Variants in SH2D4A observed in about 807,000 individuals in gnomAD.
SH2D4A encodes SH2 domain-containing protein 4A.
Under a neutral mutation model 64.7 loss-of-function variants are expected in SH2D4A, and 70 were observed. That is an observed-to-expected ratio of 1.08 (90% CI 0.89 to 1.32). The LOEUF is 1.32. Among genes scored for constraint, SH2D4A ranks in the 40% most tolerant of loss-of-function variants. The pLI is 0.00. For missense variants in SH2D4A, 706 were observed against 540.1 expected, an observed-to-expected ratio of 1.31 and a Z score of -3.04; for synonymous variants, 268 against 200.7, an observed-to-expected ratio of 1.34 and a Z score of -2.83.
chr8:19,364,108 C>A lies in SH2D4A; in HGVS notation c.743C>A (p.Ser248Tyr), dbSNP rs1181075187. The A allele has an allele frequency of 6.2e-7, 1 of 1,613,990 alleles. No homozygotes were observed. The highest frequency in any genetic ancestry group is 1.7e-5 in the Admixed American group (1 of 60,006). Residue 248 changes from serine to tyrosine, a missense_variant, in exon 7 of 10, where the codon TCC (serine) becomes TAC (tyrosine). Physicochemically the swap from Ser to Tyr is moderately radical, Grantham distance 144. Coordinates refer to ENST00000265807, the MANE Select transcript of SH2D4A (RefSeq NM_022071.4). ...AAAGCAGCTGATGAGAAGAGACGCTCCTTGGCTAAACAAGCACGAGAAGAC... is the reference window on the plus strand; with the variant it reads ...AAAGCAGCTGATGAGAAGAGACGCTACTTGGCTAAACAAGCACGAGAAGAC... ...KSKAADEKRRSLAKQAREDYK... is the reference protein window; with the variant it reads ...KSKAADEKRRYLAKQAREDYK...
intron 7 of SH2D4A, among the ~76,000 whole-genome samples, chr8:19,371,962 C>T (rs1210247996): frequency 6.6e-6 from 1 of 152,090 alleles, no homozygotes; most frequent in African/African-American, 2.4e-5. Flanking sequence ...GTTTGTTGAG[C>T]TTTCTTAAAA....
At chr8:19,369,729 G>A (rs1373244045) in intron 7 of SH2D4A, among the ~76,000 whole-genome samples, 1 of 151,326 alleles carries the variant, frequency 6.6e-6, no homozygotes, top group Non-Finnish European at 1.5e-5. Flanking sequence ...CTTTTTCTTT[G>A]TGTAGCTAAA....
intron 8 of SH2D4A, among the ~76,000 whole-genome samples, chr8:19,374,334 A>T (rs1448148383): frequency 6.6e-6 from 1 of 152,120 alleles, no homozygotes; most frequent in Non-Finnish European, 1.5e-5. Context: ...CTTGGATCTC[A>T]AGAAAAGTGA....
chr8:19,361,976 C>G (rs946680377), intron 6 of SH2D4A, among the ~76,000 whole-genome samples: 17 of 152,024 alleles, frequency 1.1e-4, no homozygotes, highest in African/African-American at 4.1e-4. Context: ...AAGAATAAGC[C>G]CATGCAACTG....
At chr8:19,330,552 CCCCAACTGCTCACATGCAGTCCTAGGA>C (rs1585150796) in intron 2 of SH2D4A, among the ~76,000 whole-genome samples, 1 of 152,170 alleles carries the variant, frequency 6.6e-6, no homozygotes, top group East Asian at 1.9e-4. Flanking sequence ...AGCTTTGAAG[CCCCAACTGCTCACATGCAGTCCTAGGA>C]TTTCTCTCCC....
At position 19,357,280 on chromosome 8, in the gene SH2D4A, C is replaced by G. The variant is rs1242438397; in HGVS notation, c.591C>G (p.His197Gln). Reference sequence around the variant, plus strand: ...ATCGTATGAAGGCATATGCATTTCACCAGGTAAAAGACTTCCCTTCTGTCC... The same window carrying G: ...ATCGTATGAAGGCATATGCATTTCAGCAGGTAAAAGACTTCCCTTCTGTCC... ...SINRMKAYAF[H>Q]QKKESMKKKQ... The change falls in exon 5 of 10, where the codon CAC becomes CAG. Residue 197 changes from histidine (H) to glutamine (Q), a missense_variant. By Grantham distance (24) the His-to-Gln change is conservative (BLOSUM62 0). Transcript: ENST00000265807. 1.2e-6 allele frequency: 2 copies of G among 1,611,710 alleles called. No individual in the cohort carries two copies. Among genetic ancestry groups the G allele is most frequent in the Non-Finnish European group, 1.7e-6 (2 of 1,177,964 alleles).
At chr8:19,364,670 C>G (rs2052959604) in intron 7 of SH2D4A, among the ~76,000 whole-genome samples, 1 of 152,014 alleles carries the variant, frequency 6.6e-6, no homozygotes, top group South Asian at 2.1e-4. Context: ...CAAGATCACC[C>G]TTAGTCAAAG....
chr8:19,323,907 C>T (rs538673239), intron 2 of SH2D4A, among the ~76,000 whole-genome samples: 5 of 152,240 alleles, frequency 3.3e-5, no homozygotes, highest in South Asian at 2.1e-4. Flanking sequence ...AGCTCAGGGA[C>T]GTTCATTAAC....
intron 2 of SH2D4A, among the ~76,000 whole-genome samples, chr8:19,329,549 C>T (rs1460949441): frequency 1.3e-5 from 2 of 152,152 alleles, no homozygotes; most frequent in African/African-American, 4.8e-5. Flanking sequence ...CCATCTTGTC[C>T]TAAGTGTTTA....
intron 1 of SH2D4A, chr8:19,314,038 GT>G: frequency 8.3e-7 from 1 of 1,201,766 alleles, no homozygotes. Context: ...CGGGTGTCCG[GT>G]GTCCGGTGTC....
intron 2 of SH2D4A, among the ~76,000 whole-genome samples, chr8:19,329,114 T>A (rs1438607415): frequency 2.0e-5 from 3 of 152,158 alleles, no homozygotes; most frequent in African/African-American, 7.2e-5. Flanking sequence ...GATTCCCTTC[T>A]CTGTTCTTTG....
intron 2 of SH2D4A, among the ~76,000 whole-genome samples, chr8:19,320,787 A>T (rs891561263): frequency 6.6e-6 from 1 of 152,206 alleles, no homozygotes; most frequent in Non-Finnish European, 1.5e-5. Flanking sequence ...TTGTGAAAAC[A>T]CAGCACACTT....
chr8:19,316,099 G>A (rs1404637453), intron 1 of SH2D4A, among the ~76,000 whole-genome samples: 1 of 152,094 alleles, frequency 6.6e-6, no homozygotes, highest in South Asian at 2.1e-4. Flanking sequence ...GGGGTTAGGG[G>A]TTGGGAATTA....
At chr8:19,354,519 A>T (rs1265889921) in intron 4 of SH2D4A, among the ~76,000 whole-genome samples, 1 of 152,202 alleles carries the variant, frequency 6.6e-6, no homozygotes, top group Non-Finnish European at 1.5e-5. Context: ...ATATTATTTT[A>T]ACATAATTCA....
intron 7 of SH2D4A, among the ~76,000 whole-genome samples, chr8:19,366,152 T>A (rs549303617): frequency 1.3e-5 from 2 of 152,338 alleles, no homozygotes; most frequent in African/African-American, 4.8e-5. Context: ...TTGTGTTTCA[T>A]AAATTGTATT....
At chr8:19,372,419 C>T (rs2153649883) in intron 7 of SH2D4A, among the ~76,000 whole-genome samples, 1 of 152,274 alleles carries the variant, frequency 6.6e-6, no homozygotes, top group South Asian at 2.1e-4. Flanking sequence ...TTTAATGACC[C>T]AGACAAGTGT....
intron 8 of SH2D4A, among the ~76,000 whole-genome samples, chr8:19,388,553 C>T (rs773210329): frequency 9.9e-5 from 15 of 152,120 alleles, no homozygotes; most frequent in East Asian, 3.9e-4. Context: ...TGTAGGGTTG[C>T]GGTGAGGATA....
intron 6 of SH2D4A, chr8:19,363,815 C>T (rs528085300): frequency 2.0e-5 from 10 of 509,262 alleles, no homozygotes; most frequent in African/African-American, 3.8e-5. Context: ...ACTTCTCTCT[C>T]ATCCCTTCTT....
chr8:19,317,303 A>ATTTTTTT (rs761621347), intron 1 of SH2D4A, among the ~76,000 whole-genome samples: 6 of 97,370 alleles, frequency 6.2e-5, no homozygotes, highest in African/African-American at 1.6e-4. Context: ...CAAGACATCC[A>ATTTTTTT]TTTTTTTTTT....
Sources: allele counts gnomAD v4.1 joint callset (sites outside exome capture counted in the v4.1 genomes callset), GRCh38; gene constraint gnomAD v4.1.1; transcripts MANE v1.5; gene names NCBI Gene and HGNC (gene_info 2026-07-23, HGNC 2026-07-21).